The following TMCC2 variants were observed in gnomAD, a reference collection of about 807,000 sequenced individuals.
TMCC2 encodes the protein transmembrane and coiled-coil domains protein 2.
TMCC2 carries 16 observed loss-of-function variants against 49.4 expected under a neutral mutation model. The observed-to-expected ratio is 0.32, with a 90% CI of 0.22 to 0.49. The LOEUF is 0.49. Among genes scored for constraint, TMCC2 ranks in the 20% least tolerant of loss-of-function variants. TMCC2 has a pLI of 0.99. For missense variants in TMCC2, 762 were observed against 989.8 expected (o/e 0.77, Z 3.09); for synonymous variants, 397 against 434.1 (o/e 0.91, Z 1.06).
chr1:205,238,013 A>G (rs1466101896), intron 1 of TMCC2, among the ~76,000 whole-genome samples: 1 of 152,212 alleles, frequency 6.6e-6, no homozygotes, highest in Non-Finnish European at 1.5e-5. Context: ...ACTCTGAAGC[A>G]TCTCAGCTCT....
At chr1:205,265,219 C>G (rs1661275095) in intron 2 of TMCC2, among the ~76,000 whole-genome samples, 1 of 152,150 alleles carries the variant, frequency 6.6e-6, no homozygotes, top group South Asian at 2.1e-4. Context: ...GCCTCTGCAC[C>G]CACCATCAGG....
At chr1:205,231,943 T>A (rs1659814588) in intron 1 of TMCC2, among the ~76,000 whole-genome samples, 1 of 151,842 alleles carries the variant, frequency 6.6e-6, no homozygotes, top group Non-Finnish European at 1.5e-5. Context: ...GGGGCAAAAA[T>A]AATAATAATA....
chr1:205,249,239 G>A (rs1169772801), intron 2 of TMCC2, among the ~76,000 whole-genome samples: 5 of 152,196 alleles, frequency 3.3e-5, no homozygotes, highest in African/African-American at 1.2e-4. Flanking sequence ...TCACCTAAGC[G>A]AGAGCAGACT....
chr1:205,255,108 T>C (rs1338100964), intron 2 of TMCC2, among the ~76,000 whole-genome samples: 1 of 143,482 alleles, frequency 7.0e-6, no homozygotes, highest in Non-Finnish European at 1.5e-5. Context: ...GTGGTTGAGG[T>C]GGGAGGATTG....
At chr1:205,250,277 G>C (rs567776086) in intron 2 of TMCC2, among the ~76,000 whole-genome samples, 2 of 152,022 alleles carry the variant, frequency 1.3e-5, no homozygotes, top group Non-Finnish European at 2.9e-5. Context: ...ACGGTGGCTC[G>C]TGCCTGTAAT....
intron 2 of TMCC2, among the ~76,000 whole-genome samples, chr1:205,248,807 G>T (rs1241748761): frequency 6.6e-6 from 1 of 152,000 alleles, no homozygotes; most frequent in Non-Finnish European, 1.5e-5. Context: ...GCCTGGTTAG[G>T]CATCAATCCC....
intron 1 of TMCC2, among the ~76,000 whole-genome samples, chr1:205,238,591 A>G (rs1254146961): frequency 1.3e-5 from 2 of 152,164 alleles, no homozygotes; most frequent in Non-Finnish European, 2.9e-5. Flanking sequence ...CTTGTCCCAT[A>G]ACATGGGATG....
At chr1:205,267,816 C>G in intron 2 of TMCC2, 1 of 940,710 alleles carries the variant, frequency 1.1e-6, no homozygotes, top group South Asian at 4.9e-5. Flanking sequence ...GTGAAGGGGG[C>G]TGTCATTTCC....
chr1:205,271,016 GA>G (rs201096995), intron 3 of TMCC2, 103 bp from the exon 4 acceptor site: 1 of 1,482,612 alleles, frequency 6.7e-7, no homozygotes, highest in Non-Finnish European at 9.1e-7. Flanking sequence ...GGACACGGGG[GA>G]TGGGCTGAGT....
chr1:205,258,135 C>A lies in TMCC2; in HGVS notation c.748-10815C>A, dbSNP rs867351862. On this transcript the variant is annotated intron_variant, in intron 2 of 4. Transcript: ENST00000358024. ...GGCCACAGGAGGTGGCAGGTGGAAG[C>A]CTCTACCTGGTGTCAGCTGATAATA... Among the ~76,000 whole-genome samples the A allele has an allele frequency of 7.2e-5, 11 of 152,188 alleles. 1 individual carries two copies. Among genetic ancestry groups the A allele is most frequent in the South Asian group, 4.1e-4 (2 of 4,828 alleles).
intron 2 of TMCC2, among the ~76,000 whole-genome samples, chr1:205,244,925 G>T (rs1285795516): frequency 6.6e-6 from 1 of 152,126 alleles, no homozygotes; most frequent in Non-Finnish European, 1.5e-5. Context: ...TTTACAATTT[G>T]GGGGGTGGGA....
intron 2 of TMCC2, among the ~76,000 whole-genome samples, chr1:205,261,410 C>T (rs1213464225): frequency 2.6e-5 from 4 of 151,776 alleles, no homozygotes; most frequent in Non-Finnish European, 1.5e-5. Context: ...GCTGTGTTGC[C>T]CAGGCTGGTC....
intron 2 of TMCC2, among the ~76,000 whole-genome samples, chr1:205,266,353 G>T (rs901323531): frequency 1.3e-5 from 2 of 151,992 alleles, no homozygotes; most frequent in Non-Finnish European, 1.5e-5. Context: ...CACTTTGGGA[G>T]GCTGAGGCGG....
intron 1 of TMCC2, chr1:205,229,718 TCAAGTTG>T: frequency 1.0e-6 from 1 of 985,420 alleles, no homozygotes; most frequent in South Asian, 4.7e-5. Flanking sequence ...GGGCCTCAGT[TCAAGTTG>T]CATACATGCT....
intron 2 of TMCC2, among the ~76,000 whole-genome samples, chr1:205,254,304 T>C (rs1660777914): frequency 6.6e-6 from 1 of 152,160 alleles, no homozygotes; most frequent in Admixed American, 6.5e-5. Flanking sequence ...TCCCATCACA[T>C]TTGTGGAAAC....
In TMCC2 at chr1:205,241,458, A is replaced by C; in HGVS notation, c.208-47A>C. On this transcript the variant is annotated intron_variant, in intron 1 of 4. Transcript: ENST00000358024. The surrounding 1 kb of genome is among the most constrained non-coding windows in gnomAD (Gnocchi z 7.3). ...CCTTCACCCTCCTACTGACTAGGCA[A>C]TCAAGAGCTTTCCACTCACCAGGGT... The C allele has an allele frequency of 6.3e-7, 1 of 1,589,534 alleles. No individual in the cohort carries two copies. The highest frequency in any genetic ancestry group is 1.2e-5 in the South Asian group (1 of 86,882).
intron 3 of TMCC2, among the ~76,000 whole-genome samples, chr1:205,270,164 G>A (rs544747428): frequency 7.2e-5 from 11 of 152,040 alleles, no homozygotes; most frequent in Admixed American, 1.3e-4. Flanking sequence ...CTCCTGCCTC[G>A]GCCTCCTGAG....
rs201721271 is a variant in TMCC2 at position 205,238,238 on chromosome 1, GT to G, written c.208-3255del. 5.2e-4 allele frequency among the ~76,000 whole-genome samples: 77 copies of G among 146,852 alleles called. No homozygotes were observed. The South Asian group carries it at 9.1e-3, about 17-fold the overall frequency. ...GTAGCTGGTTATGTGTATGTGCTGA[GT>G]TTTTTTTTTTTAAAACACTTACTGT... On this transcript the variant is annotated intron_variant, in intron 1 of 4. Transcript: ENST00000358024.
chr1:205,229,632 G>T (rs1478158490), intron 1 of TMCC2: 3 of 984,170 alleles, frequency 3.0e-6, no homozygotes, highest in African/African-American at 3.5e-5. Flanking sequence ...AGTGCTTGGA[G>T]ATCTCTGCCT....
Sources: allele counts gnomAD v4.1 joint callset (sites outside exome capture counted in the v4.1 genomes callset), GRCh38; gene constraint gnomAD v4.1.1; non-coding constraint Gnocchi (gnomAD v3.1); transcripts MANE v1.5; gene names NCBI Gene and HGNC (gene_info 2026-07-23, HGNC 2026-07-21).